The following OTUD7A variants were observed in gnomAD, a reference collection of about 807,000 sequenced individuals.
The protein encoded by OTUD7A is OTU deubiquitinase 7A.
In OTUD7A, 12 loss-of-function variants were observed where a neutral mutation model predicts 65.7. The observed-to-expected ratio is 0.18, with a 90% CI of 0.12 to 0.30. The LOEUF (loss-of-function observed/expected upper bound fraction) is 0.30, where lower values mean the gene tolerates loss of function less well. OTUD7A is among the 10% of genes least tolerant of loss of function. The pLI is 1.00. For missense variants in OTUD7A, 1,148 were observed against 1,304.8 expected, an observed-to-expected ratio of 0.88 and a Z score of 1.85; for synonymous variants, 641 against 586.3, an observed-to-expected ratio of 1.09 and a Z score of -1.35.
At chr15:31,849,364 A>T (rs1485357428) in intron 1 of OTUD7A, among the ~76,000 whole-genome samples, 1 of 152,252 alleles carries the variant, frequency 6.6e-6, no homozygotes, top group Non-Finnish European at 1.5e-5. Flanking sequence ...AGAAAGCTGA[A>T]ACTGGATACC....
intron 1 of OTUD7A, among the ~76,000 whole-genome samples, chr15:31,839,487 G>A (rs937559851): frequency 6.6e-6 from 1 of 152,160 alleles, no homozygotes; most frequent in African/African-American, 2.4e-5. Context: ...TAAAGGAAAT[G>A]TAACCTAATT....
At chr15:31,831,751 G>A (rs1400394420) in intron 1 of OTUD7A, among the ~76,000 whole-genome samples, 1 of 152,240 alleles carries the variant, frequency 6.6e-6, no homozygotes, top group Non-Finnish European at 1.5e-5. Flanking sequence ...CTAGCCACAG[G>A]AAAGTAGCCA....
At chr15:31,573,470 A>G (rs1469015734) in intron 3 of OTUD7A, among the ~76,000 whole-genome samples, 3 of 152,266 alleles carry the variant, frequency 2.0e-5, no homozygotes, top group Non-Finnish European at 4.4e-5. Context: ...AGGTAGAGAT[A>G]CAAGTGATGA....
chr15:31,631,155 G>A (rs562023132), intron 3 of OTUD7A, among the ~76,000 whole-genome samples: 14 of 152,248 alleles, frequency 9.2e-5, no homozygotes, highest in African/African-American at 2.2e-4. Context: ...TATTTTGATC[G>A]TTAGTTGATG....
chr15:31,831,334 C>G (rs1896925985), intron 1 of OTUD7A, among the ~76,000 whole-genome samples: 1 of 152,304 alleles, frequency 6.6e-6, no homozygotes, highest in South Asian at 2.1e-4. Flanking sequence ...CCCCAAAAAA[C>G]TAGCTGCAAG....
At chr15:31,665,101 A>T (rs1224240588) in intron 1 of OTUD7A, among the ~76,000 whole-genome samples, 1 of 152,144 alleles carries the variant, frequency 6.6e-6, no homozygotes, top group Non-Finnish European at 1.5e-5. Context: ...TGATGCCTCC[A>T]AATTTGTTCT....
chr15:31,772,224 C>T (rs1419183136), intron 1 of OTUD7A, among the ~76,000 whole-genome samples: 1 of 147,722 alleles, frequency 6.8e-6, no homozygotes, highest in Non-Finnish European at 1.5e-5. Context: ...TGCACTCCAG[C>T]CTGGGCGACA....
At chr15:31,578,185 T>G (rs1336239939) in intron 3 of OTUD7A, among the ~76,000 whole-genome samples, 3 of 152,176 alleles carry the variant, frequency 2.0e-5, no homozygotes, top group Non-Finnish European at 4.4e-5. Context: ...GCCCTCCTCT[T>G]TTTTGGAATG....
At chr15:31,493,970 C>T (rs1407428593) in intron 10 of OTUD7A, among the ~76,000 whole-genome samples, 3 of 152,218 alleles carry the variant, frequency 2.0e-5, no homozygotes, top group South Asian at 4.1e-4. Context: ...GCAAATTAAA[C>T]TCAAAGCAGA....
chr15:31,560,059 G>A (rs1888640220), intron 4 of OTUD7A, among the ~76,000 whole-genome samples: 1 of 152,214 alleles, frequency 6.6e-6, no homozygotes, highest in South Asian at 2.1e-4. Flanking sequence ...CTTGCTCTTG[G>A]GTCTGAAGTT....
chr15:31,720,796 C>T (rs1893716354), intron 1 of OTUD7A, among the ~76,000 whole-genome samples: 1 of 151,080 alleles, frequency 6.6e-6, no homozygotes, highest in Non-Finnish European at 1.5e-5. Flanking sequence ...ACATTCACCA[C>T]CCTGGCCTTC....
At chr15:31,674,511 G>A (rs1444969815) in intron 1 of OTUD7A, among the ~76,000 whole-genome samples, 1 of 152,210 alleles carries the variant, frequency 6.6e-6, no homozygotes, top group Non-Finnish European at 1.5e-5. Flanking sequence ...ACCTACTGCA[G>A]ACTGAATCTT....
chr15:31,590,460 T>A lies in OTUD7A; in HGVS notation c.152-20263A>T, dbSNP rs186758323. Among the ~76,000 whole-genome samples, 8 of 151,354 alleles carry A rather than the reference T, an allele frequency of 5.3e-5. No homozygotes were observed. The East Asian group carries it at 1.5e-3, about 29-fold the overall frequency. The stretch of plus-strand genomic sequence containing the variant: ...AATTTGGTGTATGTGTATATACACA[T>A]ATACAATAATAAATTAAACACACAT... On this transcript the variant is annotated intron_variant, in intron 3 of 12. Transcript: ENST00000307050.
chr15:31,832,409 C>T (rs1271894270), intron 1 of OTUD7A, among the ~76,000 whole-genome samples: 1 of 152,110 alleles, frequency 6.6e-6, no homozygotes, highest in Non-Finnish European at 1.5e-5. Context: ...CTTTCCATCT[C>T]CAGACAGACA....
At chr15:31,860,679 A>ATATATATATATATATATATATATGTATG (rs71113427) in intron 1 of OTUD7A, among the ~76,000 whole-genome samples, 725 of 40,718 alleles carry the variant, frequency 0.018, 20 homozygotes, top group Non-Finnish European at 0.036. Context: ...GTATGTGTGT[A>ATATATATATATATATATATATATGTATG]TATATATATA....
At chr15:31,720,647 G>A (rs1352484688) in intron 1 of OTUD7A, among the ~76,000 whole-genome samples, 8 of 152,136 alleles carry the variant, frequency 5.3e-5, no homozygotes, top group Non-Finnish European at 1.0e-4. Context: ...TGATCTGCCC[G>A]CCTCAGCCTC....
chr15:31,737,929 G>T (rs2141369260), intron 1 of OTUD7A, among the ~76,000 whole-genome samples: 1 of 152,304 alleles, frequency 6.6e-6, no homozygotes, highest in Non-Finnish European at 1.5e-5. Flanking sequence ...TTATAAAAGT[G>T]CATATTTATG....
chr15:31,797,741 G>A lies in OTUD7A; in HGVS notation c.-100+72766C>T, dbSNP rs539753266. ...AAGTGCCCTTCCAAAAAGCAAAGAC[G>A]TGTTCCTATTGCCACTGCCCCAACG... On this transcript the variant is annotated intron_variant, in intron 1 of 12. Transcript: ENST00000307050. Among the ~76,000 whole-genome samples, 5 of 152,312 alleles carry A rather than the reference G, an allele frequency of 3.3e-5. No homozygotes were observed. The South Asian group carries it at 8.3e-4, about 25-fold the overall frequency.
intron 4 of OTUD7A, among the ~76,000 whole-genome samples, chr15:31,567,716 G>C (rs1888919371): frequency 6.6e-6 from 1 of 152,232 alleles, no homozygotes; most frequent in Non-Finnish European, 1.5e-5. Flanking sequence ...GGAAAGAATG[G>C]TTTCATGGGC....
Sources: allele counts gnomAD v4.1 joint callset (sites outside exome capture counted in the v4.1 genomes callset), GRCh38; gene constraint gnomAD v4.1.1; transcripts MANE v1.5; gene names NCBI Gene and HGNC (gene_info 2026-07-23, HGNC 2026-07-21).